ZC3H14: variants seen among roughly 807,000 people sequenced by gnomAD.
ZC3H14 encodes zinc finger CCCH-type containing 14.
In ZC3H14, 31 loss-of-function variants were observed where a neutral mutation model predicts 92.4. The ratio of observed to expected loss-of-function variants is 0.34; its 90% CI spans 0.25 to 0.45. The LOEUF is 0.45. ZC3H14 is among the 20% of genes least tolerant of loss of function. The probability of loss-of-function intolerance (pLI) is 1.00; values close to 1 mark genes in which losing one functional copy is unlikely to be tolerated. For missense variants in ZC3H14, 781 were observed against 897.3 expected (o/e 0.87, Z 1.66); for synonymous variants, 321 against 300.9 (o/e 1.07, Z -0.69).
intron 12 of ZC3H14, among the ~76,000 whole-genome samples, chr14:88,606,058 G>A (rs2085353343): frequency 6.6e-6 from 1 of 152,224 alleles, no homozygotes; most frequent in East Asian, 1.9e-4. Context: ...GAACATGAAT[G>A]TGAACCATAA....
Position 88,626,873 on chromosome 14 carries a change from G to A in ZC3H14, c.*15122G>A, listed in dbSNP as rs199829513. 1.3e-5 allele frequency: 21 copies of A among 1,613,748 alleles called. No homozygotes were observed. The African/African-American group carries it at 1.5e-4, about 11-fold the overall frequency. ...GCAATAGCGAGCATGGTCTGCATCC[G>A]GGCATCTTCCAGTGTGCTCAGTAGC... On this transcript the variant is annotated 3_prime_UTR_variant, in exon 17 of 17. Transcript: ENST00000251038.
intron 9 of ZC3H14, among the ~76,000 whole-genome samples, chr14:88,593,021 TGCAGTG>T: frequency 6.7e-6 from 1 of 148,892 alleles, no homozygotes; most frequent in Non-Finnish European, 1.5e-5. Context: ...TAGGCTGGAG[TGCAGTG>T]GCACGATCTC....
chr14:88,575,158 G>A (rs1031525874), intron 7 of ZC3H14, among the ~76,000 whole-genome samples: 2 of 152,050 alleles, frequency 1.3e-5, no homozygotes, highest in African/African-American at 2.4e-5. Flanking sequence ...GGCTGGTCTC[G>A]AACTCCTGAC....
intron 2 of ZC3H14, among the ~76,000 whole-genome samples, chr14:88,567,375 A>G (rs1033840199): frequency 1.3e-5 from 2 of 150,236 alleles, no homozygotes; most frequent in South Asian, 2.1e-4. Context: ...TTGGCCTCCC[A>G]AAGTGCTGGG....
At chr14:88,573,717 G>A (rs1043711994) in intron 6 of ZC3H14, 1 of 152,216 alleles carries the variant, frequency 6.6e-6, no homozygotes, top group Non-Finnish European at 1.5e-5. Flanking sequence ...CCAGGTTCAA[G>A]TGATTCTTCT....
intron 12 of ZC3H14, among the ~76,000 whole-genome samples, chr14:88,606,835 T>C (rs2085492398): frequency 6.6e-6 from 1 of 152,110 alleles, no homozygotes; most frequent in Admixed American, 6.5e-5. Context: ...CCTTTTGTAT[T>C]TGGGCCACTC....
At chr14:88,607,037 C>T (rs2085519571) in intron 12 of ZC3H14, among the ~76,000 whole-genome samples, 2 of 152,140 alleles carry the variant, frequency 1.3e-5, no homozygotes, top group South Asian at 4.1e-4. Context: ...CTTTCCTTTT[C>T]ACAGTGAGAA....
At chr14:88,604,838 C>A (rs1027315020) in intron 12 of ZC3H14, among the ~76,000 whole-genome samples, 16 of 151,240 alleles carry the variant, frequency 1.1e-4, no homozygotes, top group Non-Finnish European at 1.9e-4. Flanking sequence ...AAGTGATCCA[C>A]CAACCTCGGC....
At chr14:88,585,984 A>G (rs2082427311) in intron 9 of ZC3H14, among the ~76,000 whole-genome samples, 1 of 152,104 alleles carries the variant, frequency 6.6e-6, no homozygotes, top group South Asian at 2.1e-4. Flanking sequence ...GCCTGACCAT[A>G]TGGTGAAACC....
chr14:88,621,727 TTAA>T lies in ZC3H14; in HGVS notation c.*9980_*9982del, dbSNP rs1047859072. The T allele has an allele frequency of 9.7e-6, 3 of 308,404 alleles. No homozygotes were observed. The highest frequency in any genetic ancestry group is 3.0e-5 in the South Asian group (1 of 33,466). 19.1% of individuals were successfully genotyped at this position (308,404 alleles called of 1,614,324 possible). A position where few individuals can be genotyped will look rare whatever the true frequency, so the allele number is the denominator to read the frequency against. ...ATATCCGTATGATTTATAAATACACTTAATAAGTACAAACACGCTCAAAAATTT... is the reference window on the plus strand; with the variant it reads ...ATATCCGTATGATTTATAAATACACTTAAGTACAAACACGCTCAAAAATTT... On this transcript the variant is annotated 3_prime_UTR_variant, in exon 17 of 17. Transcript: ENST00000251038.
intron 1 of ZC3H14, 163 bp downstream of exon 1, chr14:88,563,332 G>T: frequency 6.7e-7 from 1 of 1,490,262 alleles, no homozygotes; most frequent in African/African-American, 1.4e-5. Flanking sequence ...TCGGCCCTGG[G>T]GACATTTGCG....
At chr14:88,596,279 T>C (rs1200127630) in intron 9 of ZC3H14, among the ~76,000 whole-genome samples, 1 of 152,206 alleles carries the variant, frequency 6.6e-6, no homozygotes, top group Non-Finnish European at 1.5e-5. Context: ...GTTTAGATGA[T>C]GAGAGTGTTT....
At chr14:88,594,494 G>A in intron 9 of ZC3H14, 1 of 1,363,424 alleles carries the variant, frequency 7.3e-7, no homozygotes, top group Non-Finnish European at 9.4e-7. Flanking sequence ...CAATTGGTCT[G>A]GTACGTTTAG....
chr14:88,565,266 C>T (rs1044081265), intron 2 of ZC3H14, among the ~76,000 whole-genome samples: 6 of 152,034 alleles, frequency 3.9e-5, no homozygotes, highest in African/African-American at 9.7e-5. Context: ...CTCAGCCTCC[C>T]GAGTAGCTGG....
At chr14:88,578,231 A>C (rs2139692730) in intron 9 of ZC3H14, 91 bp downstream of exon 9, 3 of 1,486,326 alleles carry the variant, frequency 2.0e-6, no homozygotes, top group Non-Finnish European at 2.8e-6. Flanking sequence ...ATATTACACT[A>C]TGAAAAAAGT....
intron 9 of ZC3H14, chr14:88,591,107 C>A (rs778918556): frequency 6.6e-6 from 1 of 152,072 alleles, no homozygotes; most frequent in South Asian, 2.1e-4. Context: ...ATTTTACTTA[C>A]GTACACATGC....
At chr14:88,583,136 T>G (rs180745383) in intron 9 of ZC3H14, among the ~76,000 whole-genome samples, 128 of 151,314 alleles carry the variant, frequency 8.5e-4, no homozygotes, top group Non-Finnish European at 1.6e-3. Flanking sequence ...GCTTTTTTTT[T>G]ATTTTTTTTT....
chr14:88,564,472 G>A (rs1290548552), intron 2 of ZC3H14, among the ~76,000 whole-genome samples: 1 of 152,182 alleles, frequency 6.6e-6, no homozygotes, highest in Non-Finnish European at 1.5e-5. Flanking sequence ...CCCCAAAGCT[G>A]GTGCCTCCTA....
intron 2 of ZC3H14, among the ~76,000 whole-genome samples, chr14:88,565,308 A>G (rs1005075980): frequency 2.0e-5 from 3 of 151,796 alleles, no homozygotes; most frequent in Non-Finnish European, 4.4e-5. Context: ...CACCCAGCTA[A>G]TTTTTTGTAT....
Sources: gnomAD v4.1 joint callset for allele counts (sites outside exome capture counted in the v4.1 genomes callset) on GRCh38, gnomAD v4.1.1 for gene constraint, MANE v1.5 for transcripts, NCBI Gene and HGNC (gene_info 2026-07-23, HGNC 2026-07-21) for gene names.